ULK4: variants seen among roughly 807,000 people sequenced by gnomAD.
ULK4 encodes inactive serine/threonine-protein kinase ULK4.
ULK4 carries 133 observed loss-of-function variants against 160.6 expected under a neutral mutation model. The observed-to-expected ratio is 0.83, with a 90% CI of 0.72 to 0.96. The LOEUF is 0.96. Among genes scored for constraint, ULK4 ranks in the 40% least tolerant of loss-of-function variants. The probability of loss-of-function intolerance (pLI) is 0.00; values close to 1 mark genes in which losing one functional copy is unlikely to be tolerated. For synonymous variants in ULK4, 534 were observed against 539.8 expected, an observed-to-expected ratio of 0.99 and a Z score of 0.15; for missense variants, 1,580 against 1,499.5, an observed-to-expected ratio of 1.05 and a Z score of -0.89.
At chr3:41,728,474 C>A (rs1412199742) in intron 22 of ULK4, among the ~76,000 whole-genome samples, 1 of 152,104 alleles carries the variant, frequency 6.6e-6, no homozygotes, top group Admixed American at 6.5e-5. Context: ...CAGCTCCAAG[C>A]CATTCATGAG....
At chr3:41,360,884 G>A (rs1326708200) in intron 35 of ULK4, among the ~76,000 whole-genome samples, 1 of 151,886 alleles carries the variant, frequency 6.6e-6, no homozygotes, top group Non-Finnish European at 1.5e-5. Flanking sequence ...GTTTACCTAT[G>A]TAACACACCT....
At chr3:41,912,967 TC>T (rs1031485256) in intron 8 of ULK4, 68 bp from the exon 9 acceptor site, 23 of 1,413,798 alleles carry the variant, frequency 1.6e-5, no homozygotes, top group Admixed American at 1.4e-4. Flanking sequence ...CCAAGACATG[TC>T]CCAATTACAC....
At chr3:41,825,745 A>T (rs1174167732) in intron 18 of ULK4, among the ~76,000 whole-genome samples, 3 of 152,260 alleles carry the variant, frequency 2.0e-5, no homozygotes, top group African/African-American at 7.2e-5. Context: ...GCAGGATATT[A>T]TCCAGGAGAA....
chr3:41,514,542 T>C (rs927011690), intron 32 of ULK4, among the ~76,000 whole-genome samples: 4 of 152,132 alleles, frequency 2.6e-5, no homozygotes, highest in African/African-American at 9.7e-5. Flanking sequence ...TGGGTGTCCA[T>C]TAGTGAATAA....
intron 35 of ULK4, among the ~76,000 whole-genome samples, chr3:41,261,803 G>A (rs956602138): frequency 2.0e-5 from 3 of 152,170 alleles, no homozygotes; most frequent in Non-Finnish European, 4.4e-5. Context: ...GATATGGAGA[G>A]CACCATACTT....
At chr3:41,393,550 C>T (rs1438918761) in intron 35 of ULK4, among the ~76,000 whole-genome samples, 5 of 152,186 alleles carry the variant, frequency 3.3e-5, no homozygotes, top group Non-Finnish European at 7.4e-5. Context: ...ATGACTGTTC[C>T]GTCGGAACTT....
chr3:41,290,621 G>A lies in ULK4; in HGVS notation c.3679-41047C>T, dbSNP rs528162031. 5.9e-5 allele frequency among the ~76,000 whole-genome samples: 9 copies of A among 152,276 alleles called. No homozygotes were observed. The South Asian group carries it at 1.2e-3, about 21-fold the overall frequency. On this transcript the variant is annotated intron_variant, in intron 35 of 36. Coordinates refer to ENST00000301831, the MANE Select transcript of ULK4 (RefSeq NM_017886.4). ...GGGTTCTGGGAGTCCCCAGTAACTG[G>A]ACTGAACTGTATTGCGGGGGCACTC...
At chr3:41,790,751 A>G (rs2040126185) in intron 20 of ULK4, among the ~76,000 whole-genome samples, 1 of 152,234 alleles carries the variant, frequency 6.6e-6, no homozygotes, top group Non-Finnish European at 1.5e-5. Context: ...ATCTATCTAG[A>G]AAAGCAAGCT....
chr3:41,445,583 A>T (rs1008546090), intron 34 of ULK4, among the ~76,000 whole-genome samples: 1 of 152,136 alleles, frequency 6.6e-6, no homozygotes, highest in Non-Finnish European at 1.5e-5. Context: ...ATCTACAACC[A>T]TCTGATCTTT....
chr3:41,822,189 G>C (rs773825729), intron 18 of ULK4, among the ~76,000 whole-genome samples: 1 of 151,590 alleles, frequency 6.6e-6, no homozygotes, highest in Admixed American at 6.5e-5. Context: ...AGCCCTTCAT[G>C]ATCATGTCCC....
intron 21 of ULK4, among the ~76,000 whole-genome samples, chr3:41,781,388 G>A (rs1460346999): frequency 6.7e-6 from 1 of 148,626 alleles, no homozygotes; most frequent in Non-Finnish European, 1.5e-5. Context: ...CCGCACTCCA[G>A]CCTGGGCAAC....
intron 19 of ULK4, among the ~76,000 whole-genome samples, chr3:41,805,468 C>A (rs1306961311): frequency 6.6e-6 from 1 of 152,126 alleles, no homozygotes; most frequent in East Asian, 1.9e-4. Context: ...AATTGAATAT[C>A]TTTTATTTCC....
chr3:41,528,892 T>C (rs1174872274), intron 32 of ULK4, among the ~76,000 whole-genome samples: 1 of 152,168 alleles, frequency 6.6e-6, no homozygotes, highest in East Asian at 1.9e-4. Context: ...GCTTAATACC[T>C]GGGTGATGAA....
At chr3:41,437,989 G>T (rs2083074132) in intron 34 of ULK4, among the ~76,000 whole-genome samples, 1 of 151,954 alleles carries the variant, frequency 6.6e-6, no homozygotes, top group African/African-American at 2.4e-5. Flanking sequence ...GAACTGGTGG[G>T]AAGAGCTGTG....
chr3:41,836,636 T>C (rs946806704), intron 17 of ULK4, among the ~76,000 whole-genome samples: 2 of 152,226 alleles, frequency 1.3e-5, no homozygotes, highest in African/African-American at 4.8e-5. Flanking sequence ...AATTTTACCA[T>C]GCCACGTCCC....
At chr3:41,489,661 T>C (rs1021835283) in intron 32 of ULK4, among the ~76,000 whole-genome samples, 1 of 152,086 alleles carries the variant, frequency 6.6e-6, no homozygotes, top group African/African-American at 2.4e-5. Context: ...GTATAGGAAA[T>C]GTAGCTGCTT....
chr3:41,515,133 T>C (rs1414152851), intron 32 of ULK4, among the ~76,000 whole-genome samples: 1 of 151,950 alleles, frequency 6.6e-6, no homozygotes, highest in Non-Finnish European at 1.5e-5. Context: ...GGTACACCCT[T>C]GTAATCCCAC....
intron 35 of ULK4, among the ~76,000 whole-genome samples, chr3:41,393,390 C>T (rs1031649975): frequency 1.3e-5 from 2 of 152,154 alleles, no homozygotes; most frequent in African/African-American, 4.8e-5. Context: ...TCTGGCTTTT[C>T]CTGGCCCATG....
intron 27 of ULK4, among the ~76,000 whole-genome samples, chr3:41,698,248 C>T (rs1347690901): frequency 6.6e-6 from 1 of 152,162 alleles, no homozygotes; most frequent in African/African-American, 2.4e-5. Flanking sequence ...CTGAGCATTC[C>T]TAATCCAAAA....
Sources: gnomAD v4.1 joint callset for allele counts (sites outside exome capture counted in the v4.1 genomes callset) on GRCh38, gnomAD v4.1.1 for gene constraint, MANE v1.5 for transcripts, NCBI Gene and HGNC (gene_info 2026-07-23, HGNC 2026-07-21) for gene names.